HMCN1: variants seen among roughly 807,000 people sequenced by gnomAD.
The protein encoded by HMCN1 is hemicentin-1.
In HMCN1, 321 loss-of-function variants were observed where a neutral mutation model predicts 625.9. The observed-to-expected ratio is 0.51, with a 90% CI of 0.47 to 0.56. The LOEUF (loss-of-function observed/expected upper bound fraction) is 0.56. HMCN1 is among the 20% of genes least tolerant of loss of function. The pLI is 0.00. For missense variants in HMCN1, 6,588 were observed against 6,887.3 expected (o/e 0.96, Z 1.54); for synonymous variants, 2,425 against 2,417.6 (o/e 1.00, Z -0.09).
intron 1 of HMCN1, among the ~76,000 whole-genome samples, chr1:185,812,694 A>G (rs28666501): frequency 0.059 from 8,988 of 152,248 alleles, 897 homozygotes; most frequent in African/African-American, 0.2. Flanking sequence ...GAGAGAAAGT[A>G]TTAAAAATGA....
chr1:185,761,614 G>A (rs1655511216), intron 1 of HMCN1, among the ~76,000 whole-genome samples: 1 of 152,112 alleles, frequency 6.6e-6, no homozygotes, highest in African/African-American at 2.4e-5. Context: ...TTGCTAAAAT[G>A]ACAACTGTAT....
chr1:186,055,702 A>G, intron 45 of HMCN1, 28 bp downstream of exon 45: 2 of 1,608,118 alleles, frequency 1.2e-6, no homozygotes, highest in Non-Finnish European at 1.7e-6. Flanking sequence ...CAATATGTCC[A>G]TTCACTGGCT....
intron 97 of HMCN1, among the ~76,000 whole-genome samples, chr1:186,163,225 A>C (rs1651636343): frequency 6.6e-6 from 1 of 152,164 alleles, no homozygotes; most frequent in Admixed American, 6.5e-5. Context: ...TGCAGGATAT[A>C]ATCTCCTGGT....
At chr1:186,101,623 C>G (rs1660386399) in intron 68 of HMCN1, among the ~76,000 whole-genome samples, 2 of 152,032 alleles carry the variant, frequency 1.3e-5, no homozygotes, top group Admixed American at 1.3e-4. Context: ...TTCACAATCA[C>G]TTAACACAGG....
At chr1:186,151,162 G>C (rs769421783) in intron 93 of HMCN1, 38 bp from the exon 94 acceptor site, 1 of 1,609,244 alleles carries the variant, frequency 6.2e-7, no homozygotes, top group South Asian at 1.1e-5. Flanking sequence ...TGATGAAATT[G>C]CATCCTTATC....
At chr1:185,909,863 A>G (rs1666316720) in intron 5 of HMCN1, among the ~76,000 whole-genome samples, 1 of 152,128 alleles carries the variant, frequency 6.6e-6, no homozygotes, top group Non-Finnish European at 1.5e-5. Context: ...TTATTTTTAA[A>G]TGGCTCACAC....
intron 4 of HMCN1, 137 bp from the exon 5 acceptor site, chr1:185,909,200 A>C: frequency 1.5e-6 from 1 of 672,766 alleles, no homozygotes; most frequent in South Asian, 1.7e-5. Flanking sequence ...TCCTATCTTC[A>C]GTAATGACCG....
intron 2 of HMCN1, among the ~76,000 whole-genome samples, chr1:185,860,535 C>T (rs2102348011): frequency 6.6e-6 from 1 of 152,038 alleles, no homozygotes; most frequent in Non-Finnish European, 1.5e-5. Flanking sequence ...GAAGGGAATT[C>T]CTGGTTTCAA....
At position 185,735,018 on chromosome 1, in the gene HMCN1, A is replaced by G; in HGVS notation, c.239A>G (p.Asn80Ser). ...AAAAGACCTAAAAGACCTCTTTTCA[A>G]CTTTGCGTTGGTGCCTTTCCATGAT... Reference protein sequence around the residue: ...SLKRPKRPLFNFALVPFHDPE... With the variant: ...SLKRPKRPLFSFALVPFHDPE... The change falls in exon 1 of 107, where the codon AAC (asparagine) becomes AGC (serine). Residue 80 changes from asparagine to serine, a missense_variant. Coordinates refer to ENST00000271588, the MANE Select transcript of HMCN1 (RefSeq NM_031935.3). 6 of 1,614,124 alleles carry G rather than the reference A, an allele frequency of 3.7e-6. No homozygotes were observed. Among genetic ancestry groups the G allele is most frequent in the Middle Eastern group, 1.6e-4 (1 of 6,062 alleles).
At chr1:185,763,666 C>T (rs1003027961) in intron 1 of HMCN1, among the ~76,000 whole-genome samples, 1 of 152,122 alleles carries the variant, frequency 6.6e-6, no homozygotes, top group African/African-American at 2.4e-5. Context: ...AACAAATAGT[C>T]TGCCAGATGG....
chr1:185,959,782 T>C (rs1284159360), intron 11 of HMCN1, among the ~76,000 whole-genome samples: 1 of 152,160 alleles, frequency 6.6e-6, no homozygotes, highest in Non-Finnish European at 1.5e-5. Context: ...TACTATTTTT[T>C]TTTCCCCTAA....
At chr1:185,981,142 C>A in intron 17 of HMCN1, 69 bp downstream of exon 17, 1 of 932,742 alleles carries the variant, frequency 1.1e-6, no homozygotes, top group Non-Finnish European at 1.8e-6. Context: ...TATGTCATCT[C>A]TTGCCTGTGC....
chr1:186,115,019 A>C, intron 74 of HMCN1, 73 bp downstream of exon 74: 2 of 1,600,930 alleles, frequency 1.2e-6, no homozygotes, highest in Non-Finnish European at 1.7e-6. Context: ...TAGTGAGGTC[A>C]TAAAGATCTT....
chr1:186,174,438 A>T, intron 102 of HMCN1, 76 bp from the exon 103 acceptor site: 1 of 1,560,116 alleles, frequency 6.4e-7, no homozygotes, highest in Admixed American at 1.7e-5. Flanking sequence ...GCAATTCTAC[A>T]GAATGCTGAC....
At chr1:186,024,043 A>G (rs1273431999) in intron 36 of HMCN1, among the ~76,000 whole-genome samples, 2 of 152,208 alleles carry the variant, frequency 1.3e-5, no homozygotes, top group African/African-American at 4.8e-5. Flanking sequence ...AAAGATTCAA[A>G]TCATCAGTTT....
intron 64 of HMCN1, among the ~76,000 whole-genome samples, chr1:186,092,115 G>C (rs1487110206): frequency 1.3e-5 from 2 of 151,662 alleles, no homozygotes; most frequent in African/African-American, 4.8e-5. Flanking sequence ...TTCATAGCTA[G>C]GAATTTGGAG....
intron 42 of HMCN1, among the ~76,000 whole-genome samples, chr1:186,050,281 C>G (rs1482636226): frequency 6.6e-6 from 1 of 151,750 alleles, no homozygotes; most frequent in African/African-American, 2.4e-5. Context: ...TGAAGCTGTC[C>G]TCCCTGCAAC....
intron 5 of HMCN1, among the ~76,000 whole-genome samples, chr1:185,911,391 A>G (rs1666413164): frequency 6.6e-6 from 1 of 152,190 alleles, no homozygotes; most frequent in African/African-American, 2.4e-5. Context: ...ATGCCTGGAC[A>G]CCTTAAAATT....
chr1:186,119,341 G>C (rs1192008995), intron 78 of HMCN1, 43 bp downstream of exon 78: 1 of 1,456,978 alleles, frequency 6.9e-7, no homozygotes, highest in Non-Finnish European at 9.6e-7. Context: ...CTGGGTTTGG[G>C]GAGGTTTTTT....
Sources: gnomAD v4.1 joint callset for allele counts (sites outside exome capture counted in the v4.1 genomes callset) on GRCh38, gnomAD v4.1.1 for gene constraint, MANE v1.5 for transcripts, NCBI Gene and HGNC (gene_info 2026-07-23, HGNC 2026-07-21) for gene names.